TMCC2: variants seen among roughly 807,000 people sequenced by gnomAD.
The protein encoded by TMCC2 is transmembrane and coiled-coil domain family 2.
TMCC2 carries 16 observed loss-of-function variants against 49.4 expected under a neutral mutation model. The ratio of observed to expected loss-of-function variants is 0.32; its 90% CI spans 0.22 to 0.49. The LOEUF (loss-of-function observed/expected upper bound fraction) is 0.49, where lower values mean the gene tolerates loss of function less well. Ranked by LOEUF, TMCC2 falls within the 20% of genes least tolerant of loss-of-function variation. The probability of loss-of-function intolerance (pLI) is 0.99; values close to 1 mark genes in which losing one functional copy is unlikely to be tolerated. For missense variants in TMCC2, 762 were observed against 989.8 expected, an observed-to-expected ratio of 0.77 and a Z score of 3.09; for synonymous variants, 397 against 434.1, an observed-to-expected ratio of 0.91 and a Z score of 1.06.
chr1:205,258,037 G>A (rs1315769896), intron 2 of TMCC2, among the ~76,000 whole-genome samples: 1 of 152,192 alleles, frequency 6.6e-6, no homozygotes, highest in Admixed American at 6.5e-5. Flanking sequence ...GAAGCCAAGG[G>A]TTAGATGAGA....
chr1:205,271,390 T>C (rs1339218443), intron 4 of TMCC2, 135 bp downstream of exon 4: 2 of 1,430,780 alleles, frequency 1.4e-6, no homozygotes, highest in Non-Finnish European at 1.9e-6. Context: ...GGCACATGGA[T>C]GAAGAGGGCA....
Position 205,257,225 on chromosome 1 carries a change from G to A in TMCC2, c.748-11725G>A, listed in dbSNP as rs142084210. 6 of 1,232,446 alleles carry A rather than the reference G, an allele frequency of 4.9e-6. No homozygotes were observed. In the African/African-American group the frequency reaches 6.2e-5, roughly 13 times the overall value. 76.3% of individuals were successfully genotyped at this position (1,232,446 alleles called of 1,614,324 possible). A position where few individuals can be genotyped will look rare whatever the true frequency, so the allele number is the denominator to read the frequency against. ...TGGAGATGGCGGCTGCAGAGTCTGGGAACTCAGGCACACCTGCTCGCAGCC... is the reference window on the plus strand; with the variant it reads ...TGGAGATGGCGGCTGCAGAGTCTGGAAACTCAGGCACACCTGCTCGCAGCC... On this transcript the variant is annotated intron_variant, in intron 2 of 4. Coordinates refer to ENST00000358024, the MANE Select transcript of TMCC2 (RefSeq NM_014858.4).
In TMCC2 at chr1:205,241,574, C is replaced by G; in HGVS notation, c.277C>G (p.Arg93Gly). 1 of 1,613,958 alleles carries G rather than the reference C, an allele frequency of 6.2e-7. No individual in the cohort carries two copies. Among genetic ancestry groups the G allele is most frequent in the Non-Finnish European group, 8.5e-7 (1 of 1,180,028 alleles). The change falls in exon 2 of 5, where the codon CGG (arginine) becomes GGG (glycine). Residue 93 changes from arginine (R) to glycine (G), a missense_variant. Arg to Gly is a moderately radical substitution (Grantham distance 125). Around this residue, in one of 2 missense-constraint regions of TMCC2, gnomAD observed 322 missense variants for 353.1 expected, o/e 0.91. Transcript: ENST00000358024. This position sits in a 1 kb window ranked among gnomAD's most constrained non-coding sequence, Gnocchi z 7.3. ...GAAGCACCTGTTCCACAGCCGCCGT[C>G]GGTCTCGGGAAAGGGAGCACCAGAC... ...GLKHLFHSRRRSREREHQTSQ... is the reference protein window; with the variant it reads ...GLKHLFHSRRGSREREHQTSQ...
chr1:205,253,298 T>C (rs1660740463), intron 2 of TMCC2, among the ~76,000 whole-genome samples: 1 of 151,386 alleles, frequency 6.6e-6, no homozygotes, highest in South Asian at 2.1e-4. Flanking sequence ...GAAAGAAGGA[T>C]GTGGAAGAAA....
intron 2 of TMCC2, among the ~76,000 whole-genome samples, chr1:205,244,986 T>C (rs1660403730): frequency 6.6e-6 from 1 of 151,852 alleles, no homozygotes; most frequent in African/African-American, 2.4e-5. Flanking sequence ...AGACAAGGAA[T>C]GAATGGAAAG....
intron 2 of TMCC2, among the ~76,000 whole-genome samples, chr1:205,257,810 T>C (rs1660939061): frequency 6.6e-6 from 1 of 152,166 alleles, no homozygotes; most frequent in Admixed American, 6.5e-5. Context: ...AATGTTTGGG[T>C]ACTGAGAGTT....
intron 2 of TMCC2, among the ~76,000 whole-genome samples, chr1:205,253,754 A>G (rs1318755636): frequency 6.6e-6 from 1 of 152,146 alleles, no homozygotes; most frequent in African/African-American, 2.4e-5. Flanking sequence ...TTTGCTCCTG[A>G]TGGCAGCTAC....
rs539434994 is a variant in TMCC2 at position 205,273,038 on chromosome 1, C to T, written c.*914C>T. 73 of 152,218 alleles carry T rather than the reference C, an allele frequency of 4.8e-4. No individual in the cohort carries two copies. The highest frequency in any genetic ancestry group is 2.5e-4 in the Non-Finnish European group (17 of 68,010). The allele number at this position is 152,218 out of a possible 1,614,324, so 9.4% of individuals were successfully genotyped here. ...TCATCCTGGCTGGGAGAAGTGGGAC[C>T]GAGCCACCCAGCCCCACTATCCCCA... On this transcript the variant is annotated 3_prime_UTR_variant, in exon 5 of 5. Transcript: ENST00000358024.
chr1:205,235,051 T>A (rs1021879054), intron 1 of TMCC2, among the ~76,000 whole-genome samples: 2 of 152,142 alleles, frequency 1.3e-5, no homozygotes, highest in African/African-American at 4.8e-5. Context: ...GCAAGTGCTT[T>A]TGTAGGGTCT....
intron 2 of TMCC2, among the ~76,000 whole-genome samples, chr1:205,260,863 T>G (rs1406429178): frequency 6.6e-6 from 1 of 152,238 alleles, no homozygotes; most frequent in Non-Finnish European, 1.5e-5. Context: ...GGCACTTTGT[T>G]TCTTTCATGG....
chr1:205,228,339 C>A lies in TMCC2; in HGVS notation c.-226C>A. ...TCGACTGTGACCTGTCTTCGCTCCC[C>A]AGGTCGAAATGAACTATTCCAAGCT... On this transcript the variant is annotated 5_prime_UTR_variant, in exon 1 of 5. Coordinates refer to ENST00000358024, the MANE Select transcript of TMCC2 (RefSeq NM_014858.4). The A allele has an allele frequency of 2.2e-6, 1 of 457,504 alleles. No homozygotes were observed. Among genetic ancestry groups the A allele is most frequent in the Non-Finnish European group, 3.9e-6 (1 of 253,262 alleles). The allele number at this position is 457,504 out of a possible 1,614,324, so 28.3% of individuals were successfully genotyped here. A position where few individuals can be genotyped will look rare whatever the true frequency, so the allele number is the denominator to read the frequency against.
At chr1:205,254,262 A>T (rs1475506864) in intron 2 of TMCC2, among the ~76,000 whole-genome samples, 3 of 152,170 alleles carry the variant, frequency 2.0e-5, no homozygotes, top group Admixed American at 6.5e-5. Flanking sequence ...TGCCAGACAC[A>T]TTCACCTTAA....
chr1:205,242,530 C>G (rs545949950), intron 2 of TMCC2, among the ~76,000 whole-genome samples: 2 of 152,264 alleles, frequency 1.3e-5, no homozygotes, highest in South Asian at 4.1e-4. Context: ...TGGCACCAAC[C>G]AAAGAAGATA....
intron 2 of TMCC2, among the ~76,000 whole-genome samples, chr1:205,247,981 G>A (rs1191494644): frequency 1.3e-5 from 2 of 152,194 alleles, no homozygotes; most frequent in African/African-American, 2.4e-5. Context: ...GACAGATAGG[G>A]GCTCACGGTC....
In TMCC2 at chr1:205,241,478, C is replaced by G; in HGVS notation, c.208-27C>G. On this transcript the variant is annotated intron_variant, in intron 1 of 4. Coordinates refer to ENST00000358024, the MANE Select transcript of TMCC2 (RefSeq NM_014858.4). The surrounding 1 kb of genome is among the most constrained non-coding windows in gnomAD (Gnocchi z 7.3). ...AGGCAATCAAGAGCTTTCCACTCAC[C>G]AGGGTTCTTCATCTCTCCCCCTTAA... The G allele has an allele frequency of 1.2e-6, 2 of 1,609,086 alleles. No individual in the cohort carries two copies. Among genetic ancestry groups the G allele is most frequent in the Non-Finnish European group, 1.7e-6 (2 of 1,177,638 alleles).
intron 1 of TMCC2, among the ~76,000 whole-genome samples, chr1:205,238,731 A>G (rs2102537484): frequency 6.6e-6 from 1 of 152,192 alleles, no homozygotes. Flanking sequence ...AAGTCTTGAA[A>G]TCAGTGTATG....
chr1:205,229,545 C>CGGGGGGGGGGGGG (rs1241476015), intron 1 of TMCC2: 6 of 283,956 alleles, frequency 2.1e-5, no homozygotes, highest in African/African-American at 4.0e-4. Context: ...TGTGAAGGGG[C>CGGGGGGGGGGGGG]GGGGGGGGGG....
At chr1:205,246,838 G>T in intron 2 of TMCC2, 1 of 791,638 alleles carries the variant, frequency 1.3e-6, no homozygotes, top group Non-Finnish European at 2.0e-6. Flanking sequence ...TCCTGAGCAG[G>T]GGGAAGACGT....
intron 2 of TMCC2, among the ~76,000 whole-genome samples, chr1:205,259,233 T>G (rs575832805): frequency 7.4e-4 from 113 of 152,192 alleles, no homozygotes; most frequent in Non-Finnish European, 1.4e-3. Context: ...TATATTGTCT[T>G]TCCAACTCCT....
Sources: gnomAD v4.1 joint callset for allele counts (sites outside exome capture counted in the v4.1 genomes callset) on GRCh38, gnomAD v4.1.1 for gene constraint, gnomAD v4.1.1 regional missense constraint, Gnocchi (gnomAD v3.1) non-coding constraint, MANE v1.5 for transcripts, NCBI Gene and HGNC (gene_info 2026-07-23, HGNC 2026-07-21) for gene names.